ACAD11: variants seen among roughly 807,000 people sequenced by gnomAD.
The protein encoded by ACAD11 is acyl-Coenzyme A dehydrogenase family, member 11.
Under a neutral mutation model 102.2 loss-of-function variants are expected in ACAD11, and 83 were observed. The observed-to-expected ratio is 0.81, with a 90% CI of 0.68 to 0.97. The LOEUF is 0.97. Ranked by LOEUF, ACAD11 falls within the 50% of genes least tolerant of loss-of-function variation. The pLI, the probability that ACAD11 is intolerant of heterozygous loss-of-function variation, is 0.00. For synonymous variants in ACAD11, 324 were observed against 319.8 expected, an observed-to-expected ratio of 1.01 and a Z score of -0.14; for missense variants, 901 against 951.7, an observed-to-expected ratio of 0.95 and a Z score of 0.70.
rs1268185000 is a variant in ACAD11 at position 132,578,673 on chromosome 3, T to G, written c.1774+123A>C. 3.7e-6 allele frequency: 4 copies of G among 1,075,606 alleles called. No homozygotes were observed. In the African/African-American group the frequency reaches 6.4e-5, roughly 17 times the overall value. 66.6% of individuals were successfully genotyped at this position (1,075,606 alleles called of 1,614,324 possible). A position where few individuals can be genotyped will look rare whatever the true frequency, so the allele number is the denominator to read the frequency against. On this transcript the variant is annotated intron_variant, in intron 15 of 19. Coordinates refer to ENST00000264990, the MANE Select transcript of ACAD11 (RefSeq NM_032169.5). ...CCACCAGCATTTATATTAAGACAGTTGTCACAGACAAAGGAATATCTAAGA... is the reference window on the plus strand; with the variant it reads ...CCACCAGCATTTATATTAAGACAGTGGTCACAGACAAAGGAATATCTAAGA...
At chr3:132,594,365 T>A (rs1938210763) in intron 13 of ACAD11, among the ~76,000 whole-genome samples, 1 of 152,078 alleles carries the variant, frequency 6.6e-6, no homozygotes, top group Admixed American at 6.6e-5. Flanking sequence ...GATGGCATCA[T>A]AAAATAAAGA....
chr3:132,590,765 T>A (rs1216803205), intron 13 of ACAD11, among the ~76,000 whole-genome samples: 1 of 152,228 alleles, frequency 6.6e-6, no homozygotes, highest in Admixed American at 6.5e-5. Context: ...ATCAGTGATA[T>A]TGAGGTTTCT....
chr3:132,621,885 G>C (rs1369901193), intron 9 of ACAD11, among the ~76,000 whole-genome samples: 1 of 151,230 alleles, frequency 6.6e-6, no homozygotes, highest in Non-Finnish European at 1.5e-5. Context: ...AGGCTGAGGC[G>C]GGAGAATCAC....
chr3:132,605,690 A>C (rs1576583074), intron 11 of ACAD11, among the ~76,000 whole-genome samples: 1 of 152,164 alleles, frequency 6.6e-6, no homozygotes. Flanking sequence ...CTTTTTCTCA[A>C]GTGAAATTCT....
chr3:132,641,921 ATAT>A (rs1472878270), intron 4 of ACAD11, 48 bp downstream of exon 4: 1 of 1,502,520 alleles, frequency 6.7e-7, no homozygotes, highest in African/African-American at 1.4e-5. Flanking sequence ...CTAATAAGGT[ATAT>A]TATTTACAAG....
chr3:132,594,585 T>C (rs553449666), intron 13 of ACAD11, among the ~76,000 whole-genome samples: 11 of 152,232 alleles, frequency 7.2e-5, no homozygotes, highest in African/African-American at 2.6e-4. Context: ...CTATGGAAGA[T>C]AGAAAATTTA....
intron 5 of ACAD11, among the ~76,000 whole-genome samples, chr3:132,632,640 TG>T (rs1282498118): frequency 6.6e-6 from 1 of 152,202 alleles, no homozygotes; most frequent in Non-Finnish European, 1.5e-5. Context: ...TTGATGGGGA[TG>T]GCATTGAATC....
chr3:132,631,214 TAATA>T (rs1940028300), intron 6 of ACAD11, 123 bp downstream of exon 6: 1 of 484,486 alleles, frequency 2.1e-6, no homozygotes, highest in Admixed American at 4.5e-5. Context: ...ATAAAAATCA[TAATA>T]AAATAGAAAT....
At chr3:132,580,766 C>G (rs908660265) in intron 13 of ACAD11, among the ~76,000 whole-genome samples, 1 of 151,890 alleles carries the variant, frequency 6.6e-6, no homozygotes, top group African/African-American at 2.4e-5. Flanking sequence ...AGAAGATGGG[C>G]AGAAGTTAAT....
intron 11 of ACAD11, among the ~76,000 whole-genome samples, chr3:132,606,267 C>G (rs1327096152): frequency 1.3e-5 from 2 of 152,138 alleles, no homozygotes; most frequent in Non-Finnish European, 2.9e-5. Flanking sequence ...CTAACAGAGC[C>G]AACATTACAT....
intron 12 of ACAD11, among the ~76,000 whole-genome samples, chr3:132,604,099 G>A (rs1263530976): frequency 2.0e-5 from 3 of 152,008 alleles, no homozygotes; most frequent in Non-Finnish European, 4.4e-5. Flanking sequence ...TGATTTAAAC[G>A]GAGATCAGTT....
intron 9 of ACAD11, among the ~76,000 whole-genome samples, chr3:132,622,759 TATCA>T (rs1180958543): frequency 1.3e-5 from 2 of 152,162 alleles, no homozygotes; most frequent in East Asian, 3.9e-4. Flanking sequence ...CTTCCCAAAA[TATCA>T]CCTGTAGCAT....
chr3:132,616,875 G>T (rs1456553287), intron 11 of ACAD11, among the ~76,000 whole-genome samples: 2 of 152,096 alleles, frequency 1.3e-5, no homozygotes, highest in Non-Finnish European at 2.9e-5. Flanking sequence ...ATCAGTGTTT[G>T]GAAAAGAGAT....
chr3:132,574,377 T>C (rs1937463816), intron 17 of ACAD11, among the ~76,000 whole-genome samples: 1 of 152,206 alleles, frequency 6.6e-6, no homozygotes, highest in Admixed American at 6.5e-5. Context: ...AGCTGAACTT[T>C]GCTGTATACT....
intron 1 of ACAD11, among the ~76,000 whole-genome samples, chr3:132,651,809 G>T (rs73002035): frequency 0.013 from 2,049 of 152,144 alleles, 51 homozygotes; most frequent in African/African-American, 0.047. Flanking sequence ...CTTTTATTTT[G>T]GACAATTTCT....
chr3:132,593,460 G>A (rs1938166900), intron 13 of ACAD11, among the ~76,000 whole-genome samples: 1 of 152,186 alleles, frequency 6.6e-6, no homozygotes, highest in South Asian at 2.1e-4. Context: ...TTCCACACAT[G>A]CCTGGCAAGG....
rs141873432 is a variant in ACAD11, at chr3:132,653,009, A to G, written c.149+6594T>C. 6.6e-5 allele frequency among the ~76,000 whole-genome samples: 10 copies of G among 152,348 alleles called. 1 individual carries two copies. In the South Asian group the frequency reaches 2.1e-3, roughly 32 times the overall value. ...CAGTTTACCAAAAAAAGAGGCATAGATGCTGTTTATTGGAAGCAAAAACCA... is the reference window on the plus strand; with the variant it reads ...CAGTTTACCAAAAAAAGAGGCATAGGTGCTGTTTATTGGAAGCAAAAACCA... On this transcript the variant is annotated intron_variant, in intron 1 of 19. Coordinates refer to ENST00000264990, the MANE Select transcript of ACAD11 (RefSeq NM_032169.5).
chr3:132,584,577 T>A (rs1271443204), intron 13 of ACAD11, among the ~76,000 whole-genome samples: 1 of 152,214 alleles, frequency 6.6e-6, no homozygotes, highest in Non-Finnish European at 1.5e-5. Context: ...TTAATATTTT[T>A]ATGTGTGAAT....
At position 132,618,651 on chromosome 3, in the gene ACAD11, A is replaced by G; in HGVS notation, c.1397T>C (p.Phe466Ser). Reference protein sequence around the residue: ...TGKCFFAPDVFNCQAPDTGNM... With the variant: ...TGKCFFAPDVSNCQAPDTGNM... ...GTAGTAACCTGGTGCTTGGCAGTTA[A>G]AGACATCTGGAGCAAAAAAGCATTT... Residue 466 changes from phenylalanine (F) to serine (S), a missense_variant, in exon 11 of 20, where the codon TTT (phenylalanine) becomes TCT (serine). Phe to Ser is a radical substitution (Grantham distance 155). Coordinates refer to ENST00000264990, the MANE Select transcript of ACAD11 (RefSeq NM_032169.5). 6.2e-7 allele frequency: 1 copy of G among 1,601,926 alleles called. No individual in the cohort carries two copies. Among genetic ancestry groups the G allele is most frequent in the Non-Finnish European group, 8.5e-7 (1 of 1,175,346 alleles).
Sources: gnomAD v4.1 joint callset for allele counts (sites outside exome capture counted in the v4.1 genomes callset) on GRCh38, gnomAD v4.1.1 for gene constraint, MANE v1.5 for transcripts, NCBI Gene and HGNC (gene_info 2026-07-23, HGNC 2026-07-21) for gene names.